Variants in SPATA6 observed in about 807,000 individuals in gnomAD.
The protein encoded by SPATA6 is spermatogenesis associated 6, also known as spermatogenesis-associated protein 6.
SPATA6 carries 56 observed loss-of-function variants against 65.3 expected under a neutral mutation model. The observed-to-expected ratio is 0.86, with a 90% CI of 0.69 to 1.07. SPATA6 has a LOEUF of 1.07. Ranked by LOEUF, SPATA6 falls within the 50% of genes least tolerant of loss-of-function variation. SPATA6 has a pLI of 0.00. For missense variants in SPATA6, 590 were observed against 594.8 expected (o/e 0.99, Z 0.08); for synonymous variants, 199 against 213.2 (o/e 0.93, Z 0.58).
At chr1:48,420,828 A>C (rs1225460954) in intron 3 of SPATA6, among the ~76,000 whole-genome samples, 1 of 152,196 alleles carries the variant, frequency 6.6e-6, no homozygotes, top group Non-Finnish European at 1.5e-5. Flanking sequence ...GTAGAAAGAA[A>C]GTTTCACAGC....
chr1:48,400,893 C>A (rs1443439949), intron 6 of SPATA6: 1 of 1,156,852 alleles, frequency 8.6e-7, no homozygotes, highest in East Asian at 6.6e-5. Context: ...ATATCCATTT[C>A]ACCCATCTCT....
At chr1:48,436,837 A>G (rs1302513865) in intron 3 of SPATA6, 1 of 1,612,908 alleles carries the variant, frequency 6.2e-7, no homozygotes, top group Non-Finnish European at 8.5e-7. Context: ...CCCATTGGAT[A>G]TCAGTATTTT....
intron 1 of SPATA6, among the ~76,000 whole-genome samples, chr1:48,454,362 C>T (rs1007624985): frequency 7.9e-5 from 12 of 152,052 alleles, no homozygotes; most frequent in South Asian, 2.1e-4. Context: ...TATAATACAA[C>T]GTAAGGAGCA....
chr1:48,280,642 G>A, the SPATA6 span, among the ~76,000 whole-genome samples: 5 of 152,116 alleles, frequency 3.3e-5, no homozygotes, highest in Non-Finnish European at 4.4e-5. Flanking sequence ...GGAAGAAATT[G>A]ACTCTCTGAA....
At chr1:48,277,492 C>T in the SPATA6 span, among the ~76,000 whole-genome samples, 249 of 151,972 alleles carry the variant, frequency 1.6e-3, no homozygotes, top group Non-Finnish European at 1.9e-3. Context: ...TGCGCTTTTC[C>T]GACGGGCTTA....
chr1:48,351,093 A>C (rs1380027554), intron 11 of SPATA6, among the ~76,000 whole-genome samples: 1 of 151,932 alleles, frequency 6.6e-6, no homozygotes, highest in African/African-American at 2.4e-5. Context: ...AATTTTAGCT[A>C]AGCACTTAAA....
intron 11 of SPATA6, among the ~76,000 whole-genome samples, chr1:48,307,920 T>C (rs1220163582): frequency 6.6e-6 from 1 of 151,976 alleles, no homozygotes; most frequent in Non-Finnish European, 1.5e-5. Context: ...ACTGCAATTC[T>C]CTTATGCTGA....
At chr1:48,416,286 T>A (rs912623304) in intron 3 of SPATA6, among the ~76,000 whole-genome samples, 2 of 151,924 alleles carry the variant, frequency 1.3e-5, no homozygotes, top group Non-Finnish European at 2.9e-5. Flanking sequence ...AGATAAGAAA[T>A]ACATCTGACT....
intron 3 of SPATA6, among the ~76,000 whole-genome samples, chr1:48,444,192 T>C (rs1190019089): frequency 1.3e-5 from 2 of 152,150 alleles, no homozygotes; most frequent in African/African-American, 4.8e-5. Flanking sequence ...CAGCACTCTG[T>C]AAAAACGCAC....
intron 3 of SPATA6, among the ~76,000 whole-genome samples, chr1:48,443,491 C>T (rs906204242): frequency 2.0e-5 from 3 of 152,174 alleles, no homozygotes; most frequent in African/African-American, 7.2e-5. Context: ...ATTTCTCAGA[C>T]AGTTTGCAAG....
intron 3 of SPATA6, among the ~76,000 whole-genome samples, chr1:48,435,545 A>G (rs1386863641): frequency 6.6e-6 from 1 of 151,904 alleles, no homozygotes; most frequent in Non-Finnish European, 1.5e-5. Flanking sequence ...AAACACACCA[A>G]TCAGCACTCT....
intron 3 of SPATA6, among the ~76,000 whole-genome samples, chr1:48,415,495 T>C (rs760891617): frequency 3.9e-5 from 6 of 152,032 alleles, no homozygotes; most frequent in Middle Eastern, 3.4e-3. Flanking sequence ...AAAAAAGAAA[T>C]AGTATAGATT....
intron 11 of SPATA6, among the ~76,000 whole-genome samples, chr1:48,332,525 A>C (rs990019729): frequency 4.6e-5 from 7 of 152,228 alleles, no homozygotes; most frequent in African/African-American, 7.2e-5. Context: ...TAATTCAACA[A>C]GAAGACCTAA....
intron 6 of SPATA6, among the ~76,000 whole-genome samples, chr1:48,402,171 T>C (rs1651224388): frequency 6.6e-6 from 1 of 152,054 alleles, no homozygotes; most frequent in South Asian, 2.1e-4. Context: ...AAAAATAAAA[T>C]GGAAGACTCT....
intron 11 of SPATA6, chr1:48,325,533 T>C (rs530267637): frequency 7.5e-6 from 9 of 1,198,610 alleles, no homozygotes; most frequent in African/African-American, 6.0e-5. Flanking sequence ...CACCCGGGAG[T>C]TCTTCCTCTT....
chr1:48,445,585 A>C (rs113756394), intron 3 of SPATA6, among the ~76,000 whole-genome samples: 1 of 138,170 alleles, frequency 7.2e-6, no homozygotes, highest in Non-Finnish European at 1.5e-5. Flanking sequence ...GCGTGAACCC[A>C]GGAGGCGGAG....
intron 3 of SPATA6, among the ~76,000 whole-genome samples, chr1:48,421,521 A>G (rs1369017198): frequency 6.6e-6 from 1 of 152,138 alleles, no homozygotes; most frequent in Non-Finnish European, 1.5e-5. Flanking sequence ...AACTAATAAT[A>G]TTTTTAAGAT....
At chr1:48,437,264 C>T in intron 3 of SPATA6, 4 of 1,590,390 alleles carry the variant, frequency 2.5e-6, no homozygotes, top group Non-Finnish European at 3.4e-6. Flanking sequence ...TTGACACTTT[C>T]TCCTTGCTGC....
In SPATA6 at chr1:48,305,796, G is replaced by A; in HGVS notation, c.1277C>T (p.Pro426Leu). The A allele has an allele frequency of 6.2e-7, 1 of 1,609,682 alleles. No individual in the cohort carries two copies. The highest frequency in any genetic ancestry group is 8.5e-7 in the Non-Finnish European group (1 of 1,177,220). The change falls in exon 12 of 13, where the codon CCC becomes CTC. Residue 426 changes from proline (P) to leucine (L), a missense_variant. Physicochemically the swap from Pro to Leu is moderately conservative, Grantham distance 98 (BLOSUM62 -3). Transcript: ENST00000371847. Reference sequence around the variant, plus strand: ...TATATTTCATTCATACCTATACTCGGGGTCACTGTCATAGGCAGAGTCTCT... The same window carrying A: ...TATATTTCATTCATACCTATACTCGAGGTCACTGTCATAGGCAGAGTCTCT... ...LCRDSAYDSD[P>L]EYSSCQQPRG...
Sources: allele counts gnomAD v4.1 joint callset (sites outside exome capture counted in the v4.1 genomes callset), GRCh38; gene constraint gnomAD v4.1.1; transcripts MANE v1.5; gene names NCBI Gene and HGNC (gene_info 2026-07-23, HGNC 2026-07-21).